The following RGS12 variants were observed in gnomAD, a reference collection of about 807,000 sequenced individuals.
RGS12 encodes the protein regulator of G-protein signaling 12.
Under a neutral mutation model 120.1 loss-of-function variants are expected in RGS12, and 66 were observed. That is an observed-to-expected ratio of 0.55 (90% CI 0.45 to 0.67). The LOEUF (loss-of-function observed/expected upper bound fraction) is 0.67. RGS12 is among the 30% of genes least tolerant of loss of function. The pLI is 0.00. For synonymous variants in RGS12, 827 were observed against 804.7 expected, an observed-to-expected ratio of 1.03 and a Z score of -0.47; for missense variants, 1,859 against 1,957.7, an observed-to-expected ratio of 0.95 and a Z score of 0.95.
At chr4:3,327,042 C>G (rs1725591692) in intron 2 of RGS12, among the ~76,000 whole-genome samples, 1 of 152,198 alleles carries the variant, frequency 6.6e-6, no homozygotes, top group African/African-American at 2.4e-5. Context: ...GGAGATATTA[C>G]ATTACCTGAC....
At position 3,365,109 on chromosome 4, in the gene RGS12, AGGAGCCTGGGCT is replaced by A. The variant is rs1560116945; in HGVS notation, c.1999-21296_1999-21285del. 6.6e-6 allele frequency among the ~76,000 whole-genome samples: 1 copy of A among 151,928 alleles called. No individual in the cohort carries two copies. Among genetic ancestry groups the A allele is most frequent in the Admixed American group, 6.5e-5 (1 of 15,270 alleles). ...AGGTTCCCCGGGAGCTGTTGGAGCC[AGGAGCCTGGGCT>A]GGAGCCTGGGAGAGACCTGGACTCA... On this transcript the variant is annotated intron_variant, in intron 3 of 17. Transcript: ENST00000336727. The surrounding 1 kb of genome is among the most constrained non-coding windows in gnomAD (Gnocchi z 4.0).
chr4:3,438,376 G>A (rs79561021), intron 17 of RGS12, among the ~76,000 whole-genome samples: 1 of 152,012 alleles, frequency 6.6e-6, no homozygotes, highest in Non-Finnish European at 1.5e-5. Context: ...AGATGGGGGG[G>A]TGGGGTCACT....
chr4:3,403,878 C>T (rs1382872118), intron 4 of RGS12, among the ~76,000 whole-genome samples: 1 of 152,158 alleles, frequency 6.6e-6, no homozygotes, highest in African/African-American at 2.4e-5. Context: ...CTCTGAGACC[C>T]AAAGGGGGCT....
At chr4:3,435,323 C>T (rs1001605790) in intron 17 of RGS12, among the ~76,000 whole-genome samples, 1 of 152,114 alleles carries the variant, frequency 6.6e-6, no homozygotes. Flanking sequence ...CCACCTGGCT[C>T]CTGCTCTGTC....
At position 3,352,502 on chromosome 4, in the gene RGS12, T is replaced by C. The variant is rs141338059; in HGVS notation, c.1998+9449T>C. Among the ~76,000 whole-genome samples the C allele has an allele frequency of 2.6e-4, 40 of 152,284 alleles. No homozygotes were observed. In the East Asian group the frequency reaches 6.7e-3, roughly 26 times the overall value. The stretch of plus-strand genomic sequence containing the variant: ...AGGGAGACTCTCCAAAAGAAAATGG[T>C]ATTTATTCAGGAATAGGCATTGCGA... On this transcript the variant is annotated intron_variant, in intron 3 of 17. Coordinates refer to ENST00000336727, the MANE Select transcript of RGS12 (RefSeq NM_001394154.1).
At chr4:3,427,783 T>C (rs1323555295) in intron 14 of RGS12, among the ~76,000 whole-genome samples, 1 of 152,132 alleles carries the variant, frequency 6.6e-6, no homozygotes, top group Non-Finnish European at 1.5e-5. Flanking sequence ...ATGTCATAAA[T>C]GTAAGACTCT....
chr4:3,363,145 G>C (rs780298511), intron 3 of RGS12, among the ~76,000 whole-genome samples: 2 of 151,892 alleles, frequency 1.3e-5, no homozygotes, highest in Non-Finnish European at 2.9e-5. Context: ...GGGGGTGTGT[G>C]TGCGCGAGGG....
intron 2 of RGS12, among the ~76,000 whole-genome samples, chr4:3,333,277 C>T (rs1286483012): frequency 6.6e-6 from 1 of 152,134 alleles, no homozygotes; most frequent in African/African-American, 2.4e-5. Context: ...TCTCGATCTC[C>T]TGACCTCGTG....
At chr4:3,297,126 T>G (rs1486667691) in intron 1 of RGS12, among the ~76,000 whole-genome samples, 1 of 152,276 alleles carries the variant, frequency 6.6e-6, no homozygotes, top group Non-Finnish European at 1.5e-5. Context: ...TTGTTCTTTC[T>G]GTTTTTCTTT....
At chr4:3,342,467 T>C in intron 2 of RGS12, 1 of 1,288,648 alleles carries the variant, frequency 7.8e-7, no homozygotes, top group African/African-American at 1.5e-5. Flanking sequence ...GCTGAATGCT[T>C]AGGGATTCTT....
Position 3,316,734 on chromosome 4 carries a change from T to C in RGS12, c.564T>C (p.Asn188=). 6.2e-7 allele frequency: 1 copy of C among 1,614,190 alleles called. No individual in the cohort carries two copies. Among genetic ancestry groups the C allele is most frequent in the Non-Finnish European group, 8.5e-7 (1 of 1,180,024 alleles). The change falls in exon 2 of 18, where the codon AAT becomes AAC. Residue 188 remains asparagine, a synonymous_variant. Transcript: ENST00000336727. ...RFDVGHESIN[N]PNPNMLSKEE... ...ATGTTGGACATGAAAGTATAAATAA[T>C]CCAAATCCCAACATGCTTTCTAAGG... is the stretch of plus-strand genomic sequence containing the variant.
At chr4:3,290,478 T>A (rs1001003125), upstream of RGS12, among the ~76,000 whole-genome samples, 1 of 152,244 alleles carries the variant, frequency 6.6e-6, no homozygotes, top group African/African-American at 2.4e-5. Context: ...ATCTGTCCTT[T>A]GTGACGAGCT....
Position 3,311,740 on chromosome 4 carries a change from T to G in RGS12, c.-101-4330T>G, listed in dbSNP as rs577719643. On this transcript the variant is annotated intron_variant, in intron 1 of 17. Coordinates refer to ENST00000336727, the MANE Select transcript of RGS12 (RefSeq NM_001394154.1). The stretch of plus-strand genomic sequence containing the variant: ...CATAAATGAATTTCCTGTTCAGACC[T>G]GGGTCCTATCCAAACATATCTCATT... Among the ~76,000 whole-genome samples, 4 of 152,338 alleles carry G rather than the reference T, an allele frequency of 2.6e-5. No individual in the cohort carries two copies. In the South Asian group the frequency reaches 8.3e-4, roughly 32 times the overall value.
intron 1 of RGS12, among the ~76,000 whole-genome samples, chr4:3,305,827 GA>G (rs1468705258): frequency 3.3e-5 from 5 of 152,246 alleles, no homozygotes; most frequent in African/African-American, 1.2e-4. Context: ...TCCTCTCTCT[GA>G]CTCATGCTTT....
At position 3,357,540 on chromosome 4, in the gene RGS12, G is replaced by A. The variant is rs547277959; in HGVS notation, c.1998+14487G>A. On this transcript the variant is annotated intron_variant, in intron 3 of 17. Transcript: ENST00000336727. ...TTTGATCCATTTTGAAGTAATTTTT[G>A]TATATGGTGTTAGGTAAAGGTCCAT... Among the ~76,000 whole-genome samples, 19 of 152,184 alleles carry A rather than the reference G, an allele frequency of 1.2e-4. 1 individual carries two copies. Among genetic ancestry groups the A allele is most frequent in the Non-Finnish European group, 1.9e-4 (13 of 67,988 alleles).
At chr4:3,336,940 A>G (rs1712540548) in intron 2 of RGS12, among the ~76,000 whole-genome samples, 2 of 152,192 alleles carry the variant, frequency 1.3e-5, no homozygotes, top group African/African-American at 4.8e-5. Flanking sequence ...AAAAGAAAAT[A>G]AAGAGAAATT....
intron 4 of RGS12, among the ~76,000 whole-genome samples, chr4:3,399,436 C>T (rs533893446): frequency 1.3e-5 from 2 of 152,162 alleles, no homozygotes; most frequent in African/African-American, 4.8e-5. Context: ...TGAGACCAGC[C>T]TGGACAAAAC....
At chr4:3,377,265 T>G (rs1217212636) in intron 3 of RGS12, among the ~76,000 whole-genome samples, 1 of 152,210 alleles carries the variant, frequency 6.6e-6, no homozygotes, top group African/African-American at 2.4e-5. Flanking sequence ...AGTGGCAGTG[T>G]CTTGCCATGT....
At chr4:3,309,758 A>C (rs1724239067) in intron 1 of RGS12, among the ~76,000 whole-genome samples, 1 of 140,514 alleles carries the variant, frequency 7.1e-6, no homozygotes, top group Non-Finnish European at 1.5e-5. Flanking sequence ...GCAGGAGAGG[A>C]GCTGGGACTC....
Sources: allele counts gnomAD v4.1 joint callset (sites outside exome capture counted in the v4.1 genomes callset), GRCh38; gene constraint gnomAD v4.1.1; non-coding constraint Gnocchi (gnomAD v3.1); transcripts MANE v1.5; gene names NCBI Gene and HGNC (gene_info 2026-07-23, HGNC 2026-07-21).